Variants in MTA3 observed in about 807,000 individuals in gnomAD.
MTA3 encodes metastasis-associated protein MTA3.
In MTA3, 34 loss-of-function variants were observed where a neutral mutation model predicts 83.5. The observed-to-expected ratio is 0.41, with a 90% confidence interval of 0.31 to 0.54. The LOEUF is 0.54. MTA3 is among the 20% of genes least tolerant of loss of function. The probability of loss-of-function intolerance (pLI) is 0.33; values close to 1 mark genes in which losing one functional copy is unlikely to be tolerated. For synonymous variants in MTA3, 303 were observed against 252.7 expected (o/e 1.20, Z -1.89); for missense variants, 761 against 726.4 (o/e 1.05, Z -0.55).
chr2:42,616,613 C>G (rs1373445271), intron 4 of MTA3, among the ~76,000 whole-genome samples: 2 of 108,630 alleles, frequency 1.8e-5, no homozygotes, highest in Non-Finnish European at 3.4e-5. Flanking sequence ...GGGTCTCACT[C>G]TGTCACCCAG....
At chr2:42,655,488 TTTCTC>T (rs1434657151) in intron 6 of MTA3, among the ~76,000 whole-genome samples, 1 of 152,256 alleles carries the variant, frequency 6.6e-6, no homozygotes, top group Non-Finnish European at 1.5e-5. Flanking sequence ...CTTGAAATGA[TTTCTC>T]TACTCTTCAG....
At chr2:42,638,867 G>T (rs1039496157) in intron 4 of MTA3, among the ~76,000 whole-genome samples, 11 of 143,614 alleles carry the variant, frequency 7.7e-5, no homozygotes, top group Non-Finnish European at 7.5e-5. Flanking sequence ...GTGATCACCA[G>T]AAAAAGACAT....
At chr2:42,566,161 T>C (rs1677902439), upstream of MTA3, among the ~76,000 whole-genome samples, 1 of 152,134 alleles carries the variant, frequency 6.6e-6, no homozygotes, top group African/African-American at 2.4e-5. Flanking sequence ...TTAGGGCTGG[T>C]TGATGACAAG....
chr2:42,645,944 A>G (rs888317249), intron 6 of MTA3, among the ~76,000 whole-genome samples: 2 of 152,220 alleles, frequency 1.3e-5, no homozygotes, highest in Non-Finnish European at 2.9e-5. Context: ...TAGGACTTTC[A>G]TAGCTAGAAG....
intron 2 of MTA3, among the ~76,000 whole-genome samples, chr2:42,531,907 C>T (rs897925812): frequency 3.3e-5 from 5 of 152,152 alleles, no homozygotes; most frequent in Non-Finnish European, 7.3e-5. Flanking sequence ...CAGGTGCCTG[C>T]CACCACACCC....
At chr2:42,589,521 G>C (rs931533822) in intron 3 of MTA3, among the ~76,000 whole-genome samples, 1 of 152,050 alleles carries the variant, frequency 6.6e-6, no homozygotes, top group Non-Finnish European at 1.5e-5. Flanking sequence ...TAATAAATGA[G>C]TACTGTACAT....
chr2:42,705,893 C>T (rs936052131), intron 12 of MTA3, among the ~76,000 whole-genome samples: 4 of 151,950 alleles, frequency 2.6e-5, no homozygotes, highest in African/African-American at 9.7e-5. Flanking sequence ...AAGATTTATC[C>T]TTACAGAGAG....
intron 16 of MTA3, among the ~76,000 whole-genome samples, chr2:42,724,049 T>A (rs1573765505): frequency 6.6e-6 from 1 of 152,138 alleles, no homozygotes; most frequent in East Asian, 1.9e-4. Flanking sequence ...ACACTTCCTT[T>A]CTAATGAGAA....
chr2:42,592,082 G>A (rs1681073809), intron 3 of MTA3, among the ~76,000 whole-genome samples: 1 of 151,818 alleles, frequency 6.6e-6, no homozygotes, highest in Admixed American at 6.6e-5. Flanking sequence ...TGGGCAACAT[G>A]GTGAAACTCC....
intron 16 of MTA3, among the ~76,000 whole-genome samples, chr2:42,734,814 GACAA>G (rs763257883): frequency 1.3e-5 from 2 of 152,052 alleles, no homozygotes; most frequent in African/African-American, 4.8e-5. Context: ...TGCATAAACA[GACAA>G]ACAAATAGGC....
chr2:42,680,981 A>G (rs1340596863), intron 8 of MTA3, among the ~76,000 whole-genome samples: 2 of 152,166 alleles, frequency 1.3e-5, no homozygotes, highest in African/African-American at 4.8e-5. Context: ...GGGCACCAGC[A>G]TTCTGCCCAC....
chr2:42,631,534 T>C (rs761941417), intron 4 of MTA3, among the ~76,000 whole-genome samples: 3 of 152,152 alleles, frequency 2.0e-5, no homozygotes, highest in Non-Finnish European at 2.9e-5. Context: ...TGTGGCTACA[T>C]AGGTGTATAT....
intron 7 of MTA3, 168 bp from the exon 8 acceptor site, chr2:42,659,595 T>C (rs1403180886): frequency 5.2e-6 from 2 of 383,554 alleles, no homozygotes; most frequent in East Asian, 4.9e-5. Flanking sequence ...TTATATCTTA[T>C]AGAGTGAAAA....
intron 6 of MTA3, among the ~76,000 whole-genome samples, chr2:42,649,035 C>T (rs574895127): frequency 6.4e-4 from 97 of 152,222 alleles, no homozygotes; most frequent in African/African-American, 2.2e-3. Flanking sequence ...TAATTCTTGT[C>T]ATGCAGTTAG....
At chr2:42,662,476 T>C (rs1558556626) in intron 8 of MTA3, among the ~76,000 whole-genome samples, 1 of 151,748 alleles carries the variant, frequency 6.6e-6, no homozygotes, top group Non-Finnish European at 1.5e-5. Context: ...TTAAATTAAT[T>C]GTCCCAGTAC....
chr2:42,678,109 A>C (rs1691547348), intron 8 of MTA3, among the ~76,000 whole-genome samples: 1 of 152,204 alleles, frequency 6.6e-6, no homozygotes, highest in Non-Finnish European at 1.5e-5. Context: ...TTTGCAGAGC[A>C]AAAGCTGAAG....
intron 2 of MTA3, among the ~76,000 whole-genome samples, chr2:42,574,515 C>G (rs1333808028): frequency 6.6e-6 from 1 of 152,140 alleles, no homozygotes; most frequent in African/African-American, 2.4e-5. Flanking sequence ...TGGCTCACTG[C>G]AACCTCCTCC....
At chr2:42,709,328 AGTGCTTAG>A in intron 14 of MTA3, 1 of 1,335,558 alleles carries the variant, frequency 7.5e-7, no homozygotes, top group Non-Finnish European at 9.6e-7. Context: ...ACCAGAGAGT[AGTGCTTAG>A]CAAAAGATTG....
chr2:42,664,919 T>C (rs1690089098), intron 8 of MTA3, among the ~76,000 whole-genome samples: 1 of 152,206 alleles, frequency 6.6e-6, no homozygotes, highest in African/African-American at 2.4e-5. Context: ...TTAAACTGTT[T>C]GCACATCAGT....
Sources: allele counts gnomAD v4.1 joint callset (sites outside exome capture counted in the v4.1 genomes callset), GRCh38; gene constraint gnomAD v4.1.1; transcripts MANE v1.5; gene names NCBI Gene and HGNC (gene_info 2026-07-23, HGNC 2026-07-21).